Variants in RBFOX3 observed in about 807,000 individuals in gnomAD.
RBFOX3 encodes the protein RNA binding protein fox-1 homolog 3.
A neutral mutation model predicts 48.7 loss-of-function variants in RBFOX3; 17 were observed. The observed-to-expected ratio is 0.35, with a 90% CI of 0.24 to 0.52. The LOEUF (loss-of-function observed/expected upper bound fraction) is 0.52, where lower values mean the gene tolerates loss of function less well. Among genes scored for constraint, RBFOX3 ranks in the 20% least tolerant of loss-of-function variants. The pLI is 0.94. For missense variants in RBFOX3, 382 were observed against 497.5 expected, an observed-to-expected ratio of 0.77 and a Z score of 2.21; for synonymous variants, 212 against 209.5, an observed-to-expected ratio of 1.01 and a Z score of -0.10.
intron 2 of RBFOX3, among the ~76,000 whole-genome samples, chr17:79,318,023 T>C (rs750112192): frequency 5.3e-5 from 8 of 152,154 alleles, no homozygotes; most frequent in Non-Finnish European, 7.4e-5. Flanking sequence ...AAACTGTCTG[T>C]GGATTGGGAA....
chr17:79,425,460 C>T (rs980321594), intron 2 of RBFOX3, among the ~76,000 whole-genome samples: 8 of 152,242 alleles, frequency 5.3e-5, no homozygotes, highest in Admixed American at 2.0e-4. Flanking sequence ...ACCTCCCACC[C>T]GGACTGGAGC....
chr17:79,277,982 T>C (rs61589925), intron 3 of RBFOX3, among the ~76,000 whole-genome samples: 10,163 of 152,184 alleles, frequency 0.067, 603 homozygotes, highest in African/African-American at 0.16. Flanking sequence ...CAGGGGCAGT[T>C]TTCTCAGCCT....
At chr17:79,416,398 T>C (rs1555719050) in intron 2 of RBFOX3, among the ~76,000 whole-genome samples, 1 of 152,196 alleles carries the variant, frequency 6.6e-6, no homozygotes. Flanking sequence ...CCGCCAGCTC[T>C]CCTGCTAGGC....
intron 2 of RBFOX3, among the ~76,000 whole-genome samples, chr17:79,355,316 T>C (rs945535378): frequency 6.6e-6 from 1 of 152,228 alleles, no homozygotes; most frequent in Non-Finnish European, 1.5e-5. Context: ...ACGTGTTGTT[T>C]GCAGAGCAGG....
chr17:79,159,008 C>T (rs968957111), intron 4 of RBFOX3, among the ~76,000 whole-genome samples: 2 of 152,200 alleles, frequency 1.3e-5, no homozygotes, highest in East Asian at 1.9e-4. Context: ...ACAGTGAAGG[C>T]GAGGCTGCAG....
chr17:79,585,008 G>A (rs1017956719), intron 1 of RBFOX3, among the ~76,000 whole-genome samples: 4 of 151,588 alleles, frequency 2.6e-5, no homozygotes, highest in Admixed American at 6.6e-5. Context: ...CTCGTGATCC[G>A]CCCGCCTCAG....
Position 79,228,982 on chromosome 17 carries a change from C to T in RBFOX3, c.-34+6784G>A, listed in dbSNP as rs891653514. Reference sequence around the variant, plus strand: ...GTGGCTCATGCCTGTAATCCCAGCACTTTGGGAGGCCGAGATGGGCGGATC... The same window carrying T: ...GTGGCTCATGCCTGTAATCCCAGCATTTTGGGAGGCCGAGATGGGCGGATC... On this transcript the variant is annotated intron_variant, in intron 4 of 14. Transcript: ENST00000693108. Among the ~76,000 whole-genome samples, 18 of 152,100 alleles carry T rather than the reference C, an allele frequency of 1.2e-4. No individual in the cohort carries two copies. In the East Asian group the frequency reaches 3.5e-3, roughly 29 times the overall value.
chr17:79,593,207 A>G (rs1275571882), intron 1 of RBFOX3, among the ~76,000 whole-genome samples: 1 of 152,060 alleles, frequency 6.6e-6, no homozygotes, highest in African/African-American at 2.4e-5. Flanking sequence ...TCCCACCAGG[A>G]CGGACACCAC....
chr17:79,420,669 T>A (rs1047762709), intron 2 of RBFOX3, among the ~76,000 whole-genome samples: 2 of 152,192 alleles, frequency 1.3e-5, no homozygotes, highest in East Asian at 3.8e-4. Flanking sequence ...GCCACTGCTC[T>A]GCAGCTGAAG....
intron 4 of RBFOX3, among the ~76,000 whole-genome samples, chr17:79,166,353 G>A (rs1215810472): frequency 2.0e-5 from 3 of 152,334 alleles, no homozygotes; most frequent in East Asian, 1.9e-4. Context: ...AGCTGTAGCC[G>A]CCCCGGGCTC....
chr17:79,558,924 C>T (rs1357942309), intron 1 of RBFOX3, among the ~76,000 whole-genome samples: 4 of 152,172 alleles, frequency 2.6e-5, no homozygotes, highest in South Asian at 2.1e-4. Context: ...GTGGATTCAA[C>T]GTGGGCAGGT....
chr17:79,575,207 T>C (rs2092818016), intron 1 of RBFOX3, among the ~76,000 whole-genome samples: 1 of 152,144 alleles, frequency 6.6e-6, no homozygotes, highest in Non-Finnish European at 1.5e-5. Context: ...AGCAATTAGT[T>C]ATGAATTACA....
chr17:79,661,361 T>C, the RBFOX3 span, among the ~76,000 whole-genome samples: 1 of 152,254 alleles, frequency 6.6e-6, no homozygotes, highest in East Asian at 1.9e-4. Context: ...ATGAGTGGAA[T>C]GCCTGGATTC....
intron 2 of RBFOX3, among the ~76,000 whole-genome samples, chr17:79,444,381 C>T (rs1392608993): frequency 1.3e-5 from 2 of 152,098 alleles, no homozygotes; most frequent in East Asian, 3.9e-4. Context: ...AGCAGCTGGG[C>T]ATGCATCACC....
chr17:79,620,082 C>T, the RBFOX3 span, among the ~76,000 whole-genome samples: 1 of 148,586 alleles, frequency 6.7e-6, no homozygotes, highest in African/African-American at 2.6e-5. Flanking sequence ...CACATGCACA[C>T]AAGCACATGC....
At chr17:79,350,673 C>T (rs981971376) in intron 2 of RBFOX3, among the ~76,000 whole-genome samples, 60 of 152,346 alleles carry the variant, frequency 3.9e-4, no homozygotes, top group Admixed American at 3.9e-3. Flanking sequence ...CCACGGCTCA[C>T]ATGCCAGCCG....
chr17:79,604,372 T>A (rs1310982831), intron 1 of RBFOX3, among the ~76,000 whole-genome samples: 1 of 152,066 alleles, frequency 6.6e-6, no homozygotes, highest in Non-Finnish European at 1.5e-5. Flanking sequence ...TGTCGGGACA[T>A]ACCGGTGTGT....
intron 2 of RBFOX3, among the ~76,000 whole-genome samples, chr17:79,431,850 C>T (rs1358784815): frequency 1.3e-5 from 2 of 152,216 alleles, no homozygotes; most frequent in Non-Finnish European, 2.9e-5. Context: ...CAGTCAGTGG[C>T]ATTCGGAACA....
chr17:79,161,180 CAG>C lies in RBFOX3; in HGVS notation c.-33-45434_-33-45433del, dbSNP rs145449550. On this transcript the variant is annotated intron_variant, in intron 4 of 14. Transcript: ENST00000693108. ...GTGGGGTCATCCAGCCTGAGGCACTCAGGGGAGGCTCCCTGGAGGAGGTGGCC... is the reference window on the plus strand; with the variant it reads ...GTGGGGTCATCCAGCCTGAGGCACTCGGGAGGCTCCCTGGAGGAGGTGGCC... Among the ~76,000 whole-genome samples the C allele has an allele frequency of 6.6e-3, 1,001 of 152,220 alleles. 33 individuals carry two copies. Among genetic ancestry groups the C allele is most frequent in the Admixed American group, 0.05 (760 of 15,282 alleles).
Sources: gnomAD v4.1 joint callset for allele counts (sites outside exome capture counted in the v4.1 genomes callset) on GRCh38, gnomAD v4.1.1 for gene constraint, MANE v1.5 for transcripts, NCBI Gene and HGNC (gene_info 2026-07-23, HGNC 2026-07-21) for gene names.